Variants in ACYP2 observed in about 807,000 individuals in gnomAD.
ACYP2 encodes acylphosphatase-2.
Under a neutral mutation model 11.2 loss-of-function variants are expected in ACYP2, and 12 were observed. The ratio of observed to expected loss-of-function variants is 1.08; its 90% CI spans 0.69 to 1.74. The LOEUF is 1.74. Ranked by LOEUF, ACYP2 falls within the 40% of genes most tolerant of loss-of-function variation. The pLI is 0.00. For missense variants in ACYP2, 134 were observed against 101.9 expected (o/e 1.31, Z -1.35); for synonymous variants, 43 against 32.2 (o/e 1.33, Z -1.13).
intron 2 of ACYP2, among the ~76,000 whole-genome samples, chr2:53,978,835 A>G (rs575080337): frequency 1.3e-5 from 2 of 152,298 alleles, no homozygotes; most frequent in Non-Finnish European, 2.9e-5. Context: ...AGGTGGGAGG[A>G]TGGCCTAAGC....
At chr2:54,123,405 ATAGAGG>A in intron 4 of ACYP2, 1 of 398,612 alleles carries the variant, frequency 2.5e-6, no homozygotes. Flanking sequence ...TGTTCTACAA[ATAGAGG>A]TAGGAAGGAC....
intron 2 of ACYP2, among the ~76,000 whole-genome samples, chr2:54,001,375 A>AT (rs1330370466): frequency 2.6e-5 from 4 of 152,180 alleles, no homozygotes; most frequent in African/African-American, 9.7e-5. Context: ...CTCTAAAAAA[A>AT]AATAACAAAT....
intron 2 of ACYP2, among the ~76,000 whole-genome samples, chr2:54,004,431 G>C (rs1476478430): frequency 1.0e-5 from 1 of 96,912 alleles, no homozygotes. Context: ...TTTTTTTTGA[G>C]ACAGAGTCTC....
At chr2:54,103,656 T>C (rs541303106) in intron 4 of ACYP2, among the ~76,000 whole-genome samples, 1 of 152,218 alleles carries the variant, frequency 6.6e-6, no homozygotes, top group South Asian at 2.1e-4. Flanking sequence ...AAATGGGCCA[T>C]TGATTTTCTT....
chr2:54,183,207 TAAC>T (rs1189392478), intron 6 of ACYP2, among the ~76,000 whole-genome samples: 3 of 152,170 alleles, frequency 2.0e-5, no homozygotes, highest in African/African-American at 7.2e-5. Flanking sequence ...GACTATAAGT[TAAC>T]AAAATATAAA....
intron 4 of ACYP2, among the ~76,000 whole-genome samples, chr2:54,125,617 G>A (rs923992506): frequency 4.6e-5 from 7 of 152,036 alleles, no homozygotes; most frequent in African/African-American, 1.7e-4. Context: ...GGAGATGGTG[G>A]CAGGCGCCTG....
chr2:54,166,433 G>T (rs6744662), intron 6 of ACYP2, among the ~76,000 whole-genome samples: 27,984 of 152,060 alleles, frequency 0.18, 2,709 homozygotes, highest in East Asian at 0.41. Context: ...AGACATGGAG[G>T]ATTTGATCCA....
At chr2:54,158,337 C>T (rs903038991) in intron 6 of ACYP2, among the ~76,000 whole-genome samples, 4 of 151,470 alleles carry the variant, frequency 2.6e-5, no homozygotes, top group Admixed American at 1.3e-4. Flanking sequence ...CCACCGTGCC[C>T]GGCCTGCTTT....
chr2:54,258,451 T>A (rs1461535959), intron 6 of ACYP2, among the ~76,000 whole-genome samples: 1 of 152,158 alleles, frequency 6.6e-6, no homozygotes, highest in East Asian at 1.9e-4. Context: ...GCACAGTGAA[T>A]GAGGGAGGCT....
intron 2 of ACYP2, among the ~76,000 whole-genome samples, chr2:54,013,814 C>T (rs1673529993): frequency 6.6e-6 from 1 of 151,366 alleles, no homozygotes; most frequent in Non-Finnish European, 1.5e-5. Context: ...AATGAAGTGA[C>T]ACACTGGGAA....
At chr2:54,160,735 A>G (rs1558578123) in intron 6 of ACYP2, among the ~76,000 whole-genome samples, 1 of 152,234 alleles carries the variant, frequency 6.6e-6, no homozygotes, top group Non-Finnish European at 1.5e-5. Flanking sequence ...AAAGCTCTGC[A>G]TATCATGTGA....
intron 6 of ACYP2, among the ~76,000 whole-genome samples, chr2:54,152,777 G>A (rs1682240618): frequency 6.6e-6 from 1 of 152,120 alleles, no homozygotes; most frequent in African/African-American, 2.4e-5. Flanking sequence ...TGTGCCACAA[G>A]TTGTTTATAT....
chr2:54,052,652 C>CA (rs971054304), intron 3 of ACYP2, among the ~76,000 whole-genome samples: 12 of 150,864 alleles, frequency 8.0e-5, no homozygotes, highest in South Asian at 2.1e-4. Context: ...TGTCCTTAAA[C>CA]AAAAAAAAAG....
intron 2 of ACYP2, among the ~76,000 whole-genome samples, chr2:54,042,096 C>T (rs1177737946): frequency 6.6e-6 from 1 of 151,994 alleles, no homozygotes; most frequent in Non-Finnish European, 1.5e-5. Flanking sequence ...CAACCTCCGC[C>T]CCCGAGTGCA....
Position 54,241,874 on chromosome 2 carries a change from G to A in ACYP2, c.405-62814G>A, listed in dbSNP as rs561035083. ...CTAAAAATACAAAAATTAGCTGGGC[G>A]TGGTGGCAGGCACCTATAATCCCAT... is the stretch of plus-strand genomic sequence containing the variant. On this transcript the variant is annotated intron_variant, in intron 6 of 6. Coordinates refer to ENST00000607452, the MANE Select transcript of ACYP2 (RefSeq NM_001320586.2). Among the ~76,000 whole-genome samples, 489 of 152,240 alleles carry A rather than the reference G, an allele frequency of 3.2e-3. 6 individuals are homozygous for A. Among genetic ancestry groups the A allele is most frequent in the African/African-American group, 0.011 (464 of 41,536 alleles).
At chr2:54,072,454 CTTTCTTTCTTTCTT>C (rs2103650165) in intron 4 of ACYP2, among the ~76,000 whole-genome samples, 1 of 146,222 alleles carries the variant, frequency 6.8e-6, no homozygotes, top group South Asian at 2.3e-4. Context: ...TTTTGAAATT[CTTTCTTTCTTTCTT>C]TTTCTTTCTT....
At chr2:54,140,553 C>A (rs983292436) in intron 6 of ACYP2, among the ~76,000 whole-genome samples, 2 of 149,244 alleles carry the variant, frequency 1.3e-5, no homozygotes, top group African/African-American at 4.9e-5. Flanking sequence ...CACACACTTG[C>A]ACACACACAC....
At chr2:54,252,293 G>GT (rs1027238969) in intron 6 of ACYP2, among the ~76,000 whole-genome samples, 11 of 151,282 alleles carry the variant, frequency 7.3e-5, no homozygotes, top group South Asian at 4.2e-4. Context: ...AAAAAATTGG[G>GT]TTTTTTTTTC....
chr2:54,258,189 AAAC>A (rs1225243793), intron 6 of ACYP2, among the ~76,000 whole-genome samples: 1 of 151,682 alleles, frequency 6.6e-6, no homozygotes, highest in East Asian at 1.9e-4. Flanking sequence ...GCTATGGAAA[AAAC>A]AATAGAGCAA....
Sources: gnomAD v4.1 joint callset for allele counts (sites outside exome capture counted in the v4.1 genomes callset) on GRCh38, gnomAD v4.1.1 for gene constraint, MANE v1.5 for transcripts, NCBI Gene and HGNC (gene_info 2026-07-23, HGNC 2026-07-21) for gene names.